The following GALNT13 variants were observed in gnomAD, a reference collection of about 807,000 sequenced individuals.
GALNT13 encodes the protein polypeptide N-acetylgalactosaminyltransferase 13.
Under a neutral mutation model 64.2 loss-of-function variants are expected in GALNT13, and 28 were observed. The ratio of observed to expected loss-of-function variants is 0.44; its 90% CI spans 0.32 to 0.60. The LOEUF (loss-of-function observed/expected upper bound fraction) is 0.60. Among genes scored for constraint, GALNT13 ranks in the 20% least tolerant of loss-of-function variants. The pLI is 0.05. For synonymous variants in GALNT13, 214 were observed against 224.6 expected, an observed-to-expected ratio of 0.95 and a Z score of 0.42; for missense variants, 577 against 669.8, an observed-to-expected ratio of 0.86 and a Z score of 1.53.
chr2:153,880,607 C>T (rs1038395035), intron 1 of GALNT13, among the ~76,000 whole-genome samples: 1 of 152,072 alleles, frequency 6.6e-6, no homozygotes, highest in African/African-American at 2.4e-5. Context: ...TAGCAAATTT[C>T]ACCAGGATTC....
chr2:153,907,088 G>T (rs1037699114), intron 2 of GALNT13, among the ~76,000 whole-genome samples: 31 of 151,978 alleles, frequency 2.0e-4, no homozygotes, highest in African/African-American at 6.8e-4. Context: ...GTTTTTGATG[G>T]GGTTGTTTGT....
chr2:154,130,037 C>G (rs532781560), intron 3 of GALNT13, among the ~76,000 whole-genome samples: 38 of 152,176 alleles, frequency 2.5e-4, no homozygotes, highest in African/African-American at 8.2e-4. Context: ...CTTGCAGGAC[C>G]ATGCATCAGT....
chr2:154,260,436 T>G (rs1690635145), intron 8 of GALNT13, among the ~76,000 whole-genome samples: 1 of 152,186 alleles, frequency 6.6e-6, no homozygotes, highest in Non-Finnish European at 1.5e-5. Context: ...GATAAATTAT[T>G]TTAAAATCAG....
At chr2:153,970,296 G>A (rs570046624) in intron 3 of GALNT13, among the ~76,000 whole-genome samples, 184 of 152,192 alleles carry the variant, frequency 1.2e-3, no homozygotes, top group Non-Finnish European at 2.2e-3. Context: ...TTACTTGACT[G>A]TCAATAACAT....
chr2:154,026,494 C>A (rs533859154), intron 3 of GALNT13, among the ~76,000 whole-genome samples: 1 of 152,256 alleles, frequency 6.6e-6, no homozygotes, highest in Non-Finnish European at 1.5e-5. Context: ...GTATAAACAA[C>A]AGAAATTTAT....
At chr2:153,833,382 G>A in the GALNT13 span, among the ~76,000 whole-genome samples, 3 of 151,936 alleles carry the variant, frequency 2.0e-5, no homozygotes, top group East Asian at 5.8e-4. Flanking sequence ...TCTACAGTAA[G>A]AACAAATCTT....
chr2:153,895,163 G>T (rs1412043931), intron 1 of GALNT13, among the ~76,000 whole-genome samples: 1 of 152,026 alleles, frequency 6.6e-6, no homozygotes, highest in Non-Finnish European at 1.5e-5. Context: ...GATTAAAATG[G>T]CATTAAAAAT....
At chr2:153,839,455 T>C in the GALNT13 span, among the ~76,000 whole-genome samples, 9 of 151,814 alleles carry the variant, frequency 5.9e-5, no homozygotes, top group Non-Finnish European at 1.2e-4. Context: ...CCACTGAGGG[T>C]TTTTAATCAT....
At chr2:154,068,432 A>C (rs993574523) in intron 3 of GALNT13, among the ~76,000 whole-genome samples, 2 of 152,016 alleles carry the variant, frequency 1.3e-5, no homozygotes, top group African/African-American at 4.8e-5. Context: ...TTGCAACACT[A>C]TTCACAACAG....
rs533572291 is a variant in GALNT13 at position 154,004,853 on chromosome 2, C to T, written c.142+60214C>T. On this transcript the variant is annotated intron_variant, in intron 3 of 12. Transcript: ENST00000392825. Reference sequence around the variant, plus strand: ...ATGCTAAACAAACAAATACACATACCAGGTAGATAGTGACTCAGTGATATC... The same window carrying T: ...ATGCTAAACAAACAAATACACATACTAGGTAGATAGTGACTCAGTGATATC... 5.3e-5 allele frequency among the ~76,000 whole-genome samples: 8 copies of T among 152,190 alleles called. No individual in the cohort carries two copies. The East Asian group carries it at 1.2e-3, about 22-fold the overall frequency.
chr2:154,303,605 C>G (rs1326022435), intron 9 of GALNT13, among the ~76,000 whole-genome samples: 2 of 152,096 alleles, frequency 1.3e-5, no homozygotes, highest in African/African-American at 4.8e-5. Context: ...CCCTCACTGC[C>G]TAAGTAATTT....
At chr2:154,445,254 A>ATT (rs1044153894) in intron 12 of GALNT13, among the ~76,000 whole-genome samples, 1 of 151,780 alleles carries the variant, frequency 6.6e-6, no homozygotes, top group African/African-American at 2.4e-5. Context: ...TGTTACAGTC[A>ATT]TTTTTTTAAT....
intron 3 of GALNT13, among the ~76,000 whole-genome samples, chr2:154,089,665 C>T (rs1397738833): frequency 1.3e-5 from 2 of 151,864 alleles, no homozygotes. Context: ...AGTGGCGCTT[C>T]TCTCATGCTC....
At chr2:153,738,317 G>A in the GALNT13 span, among the ~76,000 whole-genome samples, 8 of 151,832 alleles carry the variant, frequency 5.3e-5, no homozygotes, top group Non-Finnish European at 1.2e-4. Context: ...AAGTAGCTCC[G>A]TGCTCCCCAT....
intron 4 of GALNT13, among the ~76,000 whole-genome samples, chr2:154,152,399 A>G (rs904101590): frequency 6.6e-6 from 1 of 152,062 alleles, no homozygotes; most frequent in Non-Finnish European, 1.5e-5. Context: ...GAATCTGACA[A>G]TTATGTGTCT....
intron 3 of GALNT13, among the ~76,000 whole-genome samples, chr2:154,088,473 C>T (rs66756605): frequency 0.047 from 7,116 of 152,124 alleles, 218 homozygotes; most frequent in South Asian, 0.11. Flanking sequence ...TATTTAGAGG[C>T]GGAGTTTTGC....
intron 3 of GALNT13, among the ~76,000 whole-genome samples, chr2:154,073,080 C>G (rs757839563): frequency 2.0e-5 from 3 of 151,902 alleles, no homozygotes; most frequent in Admixed American, 6.6e-5. Flanking sequence ...CTGATTGAGA[C>G]AGGAAGTAGT....
chr2:153,324,392 G>A, the GALNT13 span, among the ~76,000 whole-genome samples: 35 of 152,112 alleles, frequency 2.3e-4, no homozygotes, highest in Admixed American at 3.3e-4. Context: ...AGGAGATTTC[G>A]GGCTGAGACA....
At chr2:153,637,397 G>T in the GALNT13 span, among the ~76,000 whole-genome samples, 1 of 152,004 alleles carries the variant, frequency 6.6e-6, no homozygotes, top group Non-Finnish European at 1.5e-5. Flanking sequence ...TCCAATTTTG[G>T]CTTCCTTTTC....
Sources: gnomAD v4.1 joint callset for allele counts (sites outside exome capture counted in the v4.1 genomes callset) on GRCh38, gnomAD v4.1.1 for gene constraint, MANE v1.5 for transcripts, NCBI Gene and HGNC (gene_info 2026-07-23, HGNC 2026-07-21) for gene names.